ATP8A2: variants seen among roughly 807,000 people sequenced by gnomAD.
ATP8A2 encodes ATPase phospholipid transporting 8A2.
Under a neutral mutation model 165.6 loss-of-function variants are expected in ATP8A2, and 100 were observed. The observed-to-expected ratio is 0.60, with a 90% confidence interval of 0.51 to 0.71. The LOEUF (loss-of-function observed/expected upper bound fraction) is 0.71. ATP8A2 is among the 30% of genes least tolerant of loss of function. The probability of loss-of-function intolerance (pLI) is 0.00; values close to 1 mark genes in which losing one functional copy is unlikely to be tolerated. For missense variants in ATP8A2, 1,227 were observed against 1,479.5 expected, an observed-to-expected ratio of 0.83 and a Z score of 2.80; for synonymous variants, 543 against 548.8, an observed-to-expected ratio of 0.99 and a Z score of 0.15.
At chr13:25,961,476 G>T (rs1955658717) in intron 33 of ATP8A2, 99 bp from the exon 34 acceptor site, 2 of 1,027,170 alleles carry the variant, frequency 1.9e-6, no homozygotes, top group Admixed American at 1.8e-5. Context: ...AGTGCGGTCT[G>T]TTGTTTTTGT....
At chr13:25,977,776 A>G (rs1285594002) in intron 35 of ATP8A2, among the ~76,000 whole-genome samples, 2 of 152,188 alleles carry the variant, frequency 1.3e-5, no homozygotes, top group African/African-American at 4.8e-5. Flanking sequence ...AAATCTAATC[A>G]GGAGCTTAGC....
At chr13:25,512,870 G>T (rs557152201) in intron 2 of ATP8A2, among the ~76,000 whole-genome samples, 1 of 135,390 alleles carries the variant, frequency 7.4e-6, no homozygotes, top group East Asian at 2.3e-4. Context: ...AGGCAGAGGC[G>T]CCCCTCACCT....
At position 25,594,493 on chromosome 13, in the gene ATP8A2, C is replaced by T. The variant is rs117803123; in HGVS notation, c.2211+4794C>T. Reference sequence around the variant, plus strand: ...TTGGTTACATGAGTCAGTTCTTTAGCGGTGGTTCGTGAGATTTTGGTGCAC... The same window carrying T: ...TTGGTTACATGAGTCAGTTCTTTAGTGGTGGTTCGTGAGATTTTGGTGCAC... On this transcript the variant is annotated intron_variant, in intron 24 of 36. Transcript: ENST00000381655. 4.4e-3 allele frequency among the ~76,000 whole-genome samples: 671 copies of T among 152,148 alleles called. 12 individuals are homozygous for T. In the East Asian group the frequency reaches 0.076, roughly 17 times the overall value.
chr13:25,891,867 G>A (rs998674318), intron 33 of ATP8A2, among the ~76,000 whole-genome samples: 2 of 152,104 alleles, frequency 1.3e-5, no homozygotes, highest in Non-Finnish European at 2.9e-5. Context: ...AATATTGCAA[G>A]GTAAAATATT....
chr13:25,850,893 A>C (rs1034983659), intron 30 of ATP8A2, among the ~76,000 whole-genome samples: 4 of 152,250 alleles, frequency 2.6e-5, no homozygotes, highest in Non-Finnish European at 4.4e-5. Flanking sequence ...TTTTAACAAG[A>C]AACGACACCC....
intron 30 of ATP8A2, among the ~76,000 whole-genome samples, chr13:25,849,924 T>C (rs1951964933): frequency 6.6e-6 from 1 of 152,240 alleles, no homozygotes; most frequent in African/African-American, 2.4e-5. Flanking sequence ...TAGGTTTGTA[T>C]CACATGCAAT....
chr13:25,902,570 TAA>T (rs35024483), intron 33 of ATP8A2, among the ~76,000 whole-genome samples: 14 of 143,476 alleles, frequency 9.8e-5, no homozygotes, highest in East Asian at 4.1e-4. Flanking sequence ...AACATCAATT[TAA>T]AAAAAAAAAA....
Position 25,541,971 on chromosome 13 carries a change from C to G in ATP8A2, c.704C>G (p.Ser235Cys). 2 of 1,614,058 alleles carry G rather than the reference C, an allele frequency of 1.2e-6. No individual in the cohort carries two copies. Among genetic ancestry groups the G allele is most frequent in the African/African-American group, 2.7e-5 (2 of 75,024 alleles). ...ACACGTGAAGTTCTGATGAAGTTAT[C>G]TGGAACTATAGAGTGTGAAGGGCCC... ...MQTREVLMKLSGTIECEGPNR... is the reference protein window; with the variant it reads ...MQTREVLMKLCGTIECEGPNR... Residue 235 changes from serine (S) to cysteine (C), a missense_variant, in exon 9 of 37, where the codon TCT becomes TGT. This residue lies in a region of ATP8A2 where 356 missense variants were observed against 394.9 expected (regional missense o/e 0.90). Coordinates refer to ENST00000381655, the MANE Select transcript of ATP8A2 (RefSeq NM_016529.6).
chr13:25,932,542 C>T (rs887050633), intron 33 of ATP8A2, among the ~76,000 whole-genome samples: 7 of 152,200 alleles, frequency 4.6e-5, no homozygotes, highest in African/African-American at 1.7e-4. Context: ...TGCAGGTTTT[C>T]TTTCCACCTA....
intron 35 of ATP8A2, among the ~76,000 whole-genome samples, chr13:25,974,929 T>TCTGCCCTCAGCCCACCACCTG (rs1955998407): frequency 6.6e-6 from 1 of 152,108 alleles, no homozygotes; most frequent in South Asian, 2.1e-4. Flanking sequence ...CATGCCACCT[T>TCTGCCCTCAGCCCACCACCTG]CTGCCCTCAG....
chr13:25,837,424 CACACACA>C (rs2138648234), intron 29 of ATP8A2, 139 bp downstream of exon 29: 16 of 1,810 alleles, frequency 8.8e-3, no homozygotes, highest in East Asian at 0.036. Flanking sequence ...ACCCCACCAC[CACACACA>C]CACACACACA....
chr13:25,401,593 T>G (rs555135075), intron 1 of ATP8A2, among the ~76,000 whole-genome samples: 20 of 152,210 alleles, frequency 1.3e-4, no homozygotes, highest in African/African-American at 4.8e-4. Context: ...GGTTAGGTTG[T>G]GAGTGACAGA....
At chr13:25,431,467 T>C (rs955980312) in intron 1 of ATP8A2, among the ~76,000 whole-genome samples, 1 of 151,976 alleles carries the variant, frequency 6.6e-6, no homozygotes, top group African/African-American at 2.4e-5. Flanking sequence ...CAGATTTTAA[T>C]TGATGAATTC....
rs200671061 is a variant in ATP8A2 at position 25,837,132 on chromosome 13, T to G, written c.2755-31T>G. The G allele has an allele frequency of 2.2e-4, 357 of 1,606,084 alleles. No homozygotes were observed. The Admixed American group carries it at 5.8e-3, about 26-fold the overall frequency. On this transcript the variant is annotated intron_variant, in intron 28 of 36. Coordinates refer to ENST00000381655, the MANE Select transcript of ATP8A2 (RefSeq NM_016529.6). ...ATGAAGCCGTGTGGATCCGAAGGGC[T>G]GCTTTTAATGGCTCATTGTTCTCCC...
intron 24 of ATP8A2, among the ~76,000 whole-genome samples, chr13:25,604,568 A>C (rs1356703815): frequency 1.3e-5 from 2 of 152,262 alleles, no homozygotes; most frequent in African/African-American, 4.8e-5. Context: ...TCAACCAATA[A>C]AATGAATATT....
intron 24 of ATP8A2, among the ~76,000 whole-genome samples, chr13:25,693,240 T>C (rs2042765144): frequency 6.6e-6 from 1 of 152,212 alleles, no homozygotes; most frequent in Non-Finnish European, 1.5e-5. Flanking sequence ...TCTTGAATCA[T>C]AGTCCATTTG....
intron 1 of ATP8A2, among the ~76,000 whole-genome samples, chr13:25,421,000 T>C (rs572453372): frequency 2.0e-5 from 3 of 152,358 alleles, no homozygotes; most frequent in East Asian, 3.9e-4. Context: ...CTTCCCTTTA[T>C]TTCTAAAGCT....
intron 30 of ATP8A2, among the ~76,000 whole-genome samples, chr13:25,852,406 C>T (rs1952029718): frequency 6.6e-6 from 1 of 152,130 alleles, no homozygotes; most frequent in South Asian, 2.1e-4. Context: ...AATGTCCACA[C>T]CAACTCAGAA....
chr13:25,879,174 C>T (rs546762096), intron 33 of ATP8A2, among the ~76,000 whole-genome samples: 11 of 152,284 alleles, frequency 7.2e-5, no homozygotes, highest in Non-Finnish European at 1.6e-4. Context: ...CCCACAAAAG[C>T]GTATCTTAAA....
Sources: allele counts gnomAD v4.1 joint callset (sites outside exome capture counted in the v4.1 genomes callset), GRCh38; gene constraint gnomAD v4.1.1; regional missense constraint gnomAD v4.1.1; transcripts MANE v1.5; gene names NCBI Gene and HGNC (gene_info 2026-07-23, HGNC 2026-07-21).